Variants in RIC1 observed in about 807,000 individuals in gnomAD.
RIC1 encodes the protein RIC1 partner of RAB6A GEF complex, also known as guanine nucleotide exchange factor subunit RIC1.
Under a neutral mutation model 169.0 loss-of-function variants are expected in RIC1, and 88 were observed. That is an observed-to-expected ratio of 0.52 (90% CI 0.44 to 0.62). The LOEUF (loss-of-function observed/expected upper bound fraction) is 0.62, where lower values mean the gene tolerates loss of function less well. Ranked by LOEUF, RIC1 falls within the 20% of genes least tolerant of loss-of-function variation. The pLI, the probability that RIC1 is intolerant of heterozygous loss-of-function variation, is 0.00. For missense variants in RIC1, 1,877 were observed against 1,725.5 expected, an observed-to-expected ratio of 1.09 and a Z score of -1.56; for synonymous variants, 790 against 601.5, an observed-to-expected ratio of 1.31 and a Z score of -4.59.
intron 23 of RIC1, 64 bp downstream of exon 23, chr9:5,770,342 T>G: frequency 7.7e-7 from 1 of 1,305,306 alleles, no homozygotes; most frequent in Non-Finnish European, 1.1e-6. Context: ...GCTATAGCAC[T>G]TCAGAGATAG....
intron 10 of RIC1, 67 bp downstream of exon 10, chr9:5,743,804 CT>C (rs1227258713): frequency 8.4e-7 from 1 of 1,188,486 alleles, no homozygotes; most frequent in East Asian, 2.3e-5. Flanking sequence ...CCTTTTTTCA[CT>C]CATTTTTATT....
rs919784879 is a variant in RIC1 at position 5,661,026 on chromosome 9, A to G, written c.252+4336A>G. Among the ~76,000 whole-genome samples the G allele has an allele frequency of 3.3e-5, 5 of 152,248 alleles. No homozygotes were observed. The South Asian group carries it at 6.2e-4, about 19-fold the overall frequency. Reference sequence around the variant, plus strand: ...TTCATTTTCCTTTAGGGTGTAAGGAAGGGGTCCAGTTTCAATTTTCTGCAT... The same window carrying G: ...TTCATTTTCCTTTAGGGTGTAAGGAGGGGGTCCAGTTTCAATTTTCTGCAT... On this transcript the variant is annotated intron_variant, in intron 2 of 25. Transcript: ENST00000414202.
intron 6 of RIC1, among the ~76,000 whole-genome samples, chr9:5,729,059 GA>G (rs1300726187): frequency 6.6e-6 from 1 of 151,976 alleles, no homozygotes; most frequent in Non-Finnish European, 1.5e-5. Flanking sequence ...GTGTTCCTTG[GA>G]AAAGAGTCCT....
intron 9 of RIC1, among the ~76,000 whole-genome samples, chr9:5,743,427 A>G (rs1338137460): frequency 6.6e-6 from 1 of 152,080 alleles, no homozygotes. Context: ...TTCATATACT[A>G]CCCTGAACCT....
At chr9:5,685,281 A>G (rs1025710870) in intron 2 of RIC1, among the ~76,000 whole-genome samples, 2 of 150,732 alleles carry the variant, frequency 1.3e-5, no homozygotes, top group Admixed American at 1.3e-4. Flanking sequence ...AACTACTTTA[A>G]AGTTCATATG....
intron 2 of RIC1, among the ~76,000 whole-genome samples, chr9:5,678,000 C>T (rs1032633845): frequency 2.6e-5 from 4 of 151,048 alleles, no homozygotes; most frequent in South Asian, 4.2e-4. Flanking sequence ...CTCCCCCCTG[C>T]CCCCACCCCA....
At chr9:5,716,094 T>C (rs541933442) in intron 4 of RIC1, among the ~76,000 whole-genome samples, 2 of 152,076 alleles carry the variant, frequency 1.3e-5, no homozygotes, top group Admixed American at 6.5e-5. Flanking sequence ...TCTCCCCTCC[T>C]TGGCCTCTCA....
chr9:5,677,294 C>A (rs928951429), intron 2 of RIC1, among the ~76,000 whole-genome samples: 11 of 151,956 alleles, frequency 7.2e-5, no homozygotes, highest in African/African-American at 2.7e-4. Context: ...GAACATTTTT[C>A]TCATTTGTTT....
At chr9:5,765,138 C>T (rs1224547487) in intron 19 of RIC1, 5 of 278,602 alleles carry the variant, frequency 1.8e-5, no homozygotes, top group Admixed American at 4.9e-5. Flanking sequence ...AATGATATGC[C>T]TATCTGCAGA....
At chr9:5,719,868 T>C (rs1193339261) in intron 4 of RIC1, among the ~76,000 whole-genome samples, 2 of 152,212 alleles carry the variant, frequency 1.3e-5, no homozygotes, top group African/African-American at 4.8e-5. Context: ...TTTTATGGTT[T>C]CTCTACCTCT....
intron 12 of RIC1, 44 bp from the exon 13 acceptor site, chr9:5,753,156 T>C: frequency 6.5e-7 from 1 of 1,531,628 alleles, no homozygotes; most frequent in Non-Finnish European, 9.0e-7. Context: ...TAAGTTTAAA[T>C]ATATTTCATA....
intron 3 of RIC1, among the ~76,000 whole-genome samples, chr9:5,695,522 A>C (rs1439734304): frequency 6.6e-6 from 1 of 151,182 alleles, no homozygotes; most frequent in Non-Finnish European, 1.5e-5. Flanking sequence ...TCCCAATGAC[A>C]CTAGTTCAGT....
Position 5,772,576 on chromosome 9 carries a change from G to A in RIC1, c.3629G>A (p.Ser1210Asn). The A allele has an allele frequency of 6.2e-7, 1 of 1,609,920 alleles. No individual in the cohort carries two copies. The highest frequency in any genetic ancestry group is 1.1e-5 in the South Asian group (1 of 90,058). Residue 1210 changes from serine to asparagine, a missense_variant, in exon 24 of 26, where the codon AGT (serine) becomes AAT (asparagine). By Grantham distance (46) the Ser-to-Asn change is conservative. Coordinates refer to ENST00000414202, the MANE Select transcript of RIC1 (RefSeq NM_020829.4). ...SPLSNKGDEC[S>N]IGSATDLTES... ...AATTCTTCATCAGGTGATGAATGCA[G>A]TATTGGTTCAGCCACAGACTTGACT...
chr9:5,675,043 C>T (rs927768445), intron 2 of RIC1, among the ~76,000 whole-genome samples: 1 of 152,160 alleles, frequency 6.6e-6, no homozygotes, highest in Non-Finnish European at 1.5e-5. Context: ...GGGGTGCGCC[C>T]TTACAGATGG....
intron 1 of RIC1, among the ~76,000 whole-genome samples, chr9:5,648,051 C>T (rs972075084): frequency 6.0e-5 from 9 of 150,796 alleles, no homozygotes; most frequent in Non-Finnish European, 8.9e-5. Flanking sequence ...GGTGTGATCT[C>T]GGCTTACTGC....
chr9:5,731,060 T>C (rs1297051527), intron 6 of RIC1, among the ~76,000 whole-genome samples: 1 of 152,148 alleles, frequency 6.6e-6, no homozygotes, highest in Non-Finnish European at 1.5e-5. Flanking sequence ...ATTACATCCT[T>C]CCCCTGTACT....
At position 5,756,201 on chromosome 9, in the gene RIC1, G is replaced by C. The variant is rs151251271; in HGVS notation, c.1693-11G>C. 300 of 1,473,514 alleles carry C rather than the reference G, an allele frequency of 2.0e-4. 3 individuals are homozygous for C. In the East Asian group the frequency reaches 6.8e-3, roughly 34 times the overall value. The allele number at this position is 1,473,514 out of a possible 1,614,324, so 91.3% of individuals were successfully genotyped here. A position where few individuals can be genotyped will look rare whatever the true frequency, so the allele number is the denominator to read the frequency against. On this transcript the variant is annotated splice_polypyrimidine_tract_variant and intron_variant, in intron 15 of 25. Coordinates refer to ENST00000414202, the MANE Select transcript of RIC1 (RefSeq NM_020829.4). The stretch of plus-strand genomic sequence containing the variant: ...TGTTTTTATAATTTTCTTCATTTTT[G>C]TTTTCTTCAGCTTAGAGTATACTTG...
intron 21 of RIC1, among the ~76,000 whole-genome samples, chr9:5,767,472 A>T (rs1586723140): frequency 9.7e-6 from 1 of 103,008 alleles, no homozygotes. Context: ...TATATTGTTC[A>T]TATTCTCTTT....
At chr9:5,725,491 G>C (rs4740824) in intron 6 of RIC1, among the ~76,000 whole-genome samples, 2 of 151,792 alleles carry the variant, frequency 1.3e-5, no homozygotes, top group African/African-American at 4.8e-5. Context: ...AATTTCGTCA[G>C]TCTTTTCAAA....
Sources: gnomAD v4.1 joint callset for allele counts (sites outside exome capture counted in the v4.1 genomes callset) on GRCh38, gnomAD v4.1.1 for gene constraint, MANE v1.5 for transcripts, NCBI Gene and HGNC (gene_info 2026-07-23, HGNC 2026-07-21) for gene names.